The following ADAM12 variants were observed in gnomAD, a reference collection of about 807,000 sequenced individuals.
ADAM12 encodes the protein ADAM metallopeptidase domain 12.
A neutral mutation model predicts 106.4 loss-of-function variants in ADAM12; 70 were observed. The observed-to-expected ratio is 0.66, with a 90% confidence interval of 0.54 to 0.80. The LOEUF (loss-of-function observed/expected upper bound fraction) is 0.80. Among genes scored for constraint, ADAM12 ranks in the 30% least tolerant of loss-of-function variants. ADAM12 has a pLI of 0.00. For synonymous variants in ADAM12, 420 were observed against 433.5 expected (o/e 0.97, Z 0.39); for missense variants, 1,010 against 1,171.9 (o/e 0.86, Z 2.02).
At chr10:126,287,284 C>T (rs1959912197) in intron 2 of ADAM12, among the ~76,000 whole-genome samples, 1 of 152,134 alleles carries the variant, frequency 6.6e-6, no homozygotes, top group African/African-American at 2.4e-5. Context: ...AAGCAGACGA[C>T]ATTACTCTGT....
intron 2 of ADAM12, among the ~76,000 whole-genome samples, chr10:126,282,694 G>C (rs1032480581): frequency 1.3e-5 from 2 of 152,144 alleles, no homozygotes; most frequent in Non-Finnish European, 2.9e-5. Context: ...CACAAACAAT[G>C]TGTAAGTCCT....
At chr10:126,284,174 A>G (rs1590731020) in intron 2 of ADAM12, among the ~76,000 whole-genome samples, 1 of 151,900 alleles carries the variant, frequency 6.6e-6, no homozygotes, top group African/African-American at 2.4e-5. Flanking sequence ...CTCTACTAAA[A>G]ATACAAAAAT....
intron 1 of ADAM12, among the ~76,000 whole-genome samples, chr10:126,350,436 G>T (rs374258172): frequency 2.0e-5 from 3 of 152,296 alleles, no homozygotes; most frequent in African/African-American, 7.2e-5. Flanking sequence ...CTTTGAGAAA[G>T]GGAGGAAGAG....
intron 1 of ADAM12, among the ~76,000 whole-genome samples, chr10:126,373,108 G>A (rs1324520719): frequency 9.9e-5 from 15 of 152,280 alleles, no homozygotes. Context: ...CATTCTGAAG[G>A]TTACAAAAAT....
intron 2 of ADAM12, among the ~76,000 whole-genome samples, chr10:126,309,731 G>C (rs1010082704): frequency 6.6e-6 from 1 of 152,120 alleles, no homozygotes; most frequent in African/African-American, 2.4e-5. Flanking sequence ...GCAGTTTTAG[G>C]GGCTGGACTA....
chr10:126,335,713 A>G (rs573417848), intron 1 of ADAM12, among the ~76,000 whole-genome samples: 2 of 152,214 alleles, frequency 1.3e-5, no homozygotes, highest in East Asian at 3.9e-4. Context: ...AACCAATAGC[A>G]AAAGTTAAGC....
chr10:126,285,390 G>T (rs1959804663), intron 2 of ADAM12, among the ~76,000 whole-genome samples: 1 of 152,228 alleles, frequency 6.6e-6, no homozygotes, highest in African/African-American at 2.4e-5. Flanking sequence ...TAGGCCATAA[G>T]GCACTGACAT....
intron 2 of ADAM12, among the ~76,000 whole-genome samples, chr10:126,326,240 C>T (rs1330543242): frequency 1.3e-5 from 2 of 151,598 alleles, no homozygotes; most frequent in African/African-American, 2.4e-5. Context: ...ATGGACCTGC[C>T]TCAAACCATT....
At chr10:126,232,988 G>T (rs1432134864) in intron 3 of ADAM12, among the ~76,000 whole-genome samples, 2 of 152,048 alleles carry the variant, frequency 1.3e-5, no homozygotes, top group African/African-American at 4.8e-5. Flanking sequence ...GTGGCATCTC[G>T]ATATGTTTCT....
At position 126,016,835 on chromosome 10, in the gene ADAM12, A is replaced by G. The variant is rs7913591; in HGVS notation, c.*444T>C. 97,195 of 153,476 alleles carry G rather than the reference A, an allele frequency of 0.63. 31,553 individuals carry two copies. Among genetic ancestry groups the G allele is most frequent in the East Asian group, 0.77 (4,002 of 5,200 alleles). The allele number at this position is 153,476 out of a possible 1,614,324, so 9.5% of individuals were successfully genotyped here. A position where few individuals can be genotyped will look rare whatever the true frequency, so the allele number is the denominator to read the frequency against. ...TGGGGAATCCAGAAAATCAACTGAG[A>G]TTCTACTTGGGATCTCTTGAGCTGC... is the stretch of plus-strand genomic sequence containing the variant. On this transcript the variant is annotated 3_prime_UTR_variant, in exon 23 of 23. Coordinates refer to ENST00000448723, the MANE Select transcript of ADAM12 (RefSeq NM_001288973.2).
chr10:126,230,607 T>C (rs191932173), intron 3 of ADAM12, among the ~76,000 whole-genome samples: 1 of 152,358 alleles, frequency 6.6e-6, no homozygotes, highest in East Asian at 1.9e-4. Context: ...ATGAAAAATA[T>C]GACCTCATTT....
At chr10:126,160,810 TC>T (rs1956918952) in intron 3 of ADAM12, among the ~76,000 whole-genome samples, 1 of 152,234 alleles carries the variant, frequency 6.6e-6, no homozygotes, top group South Asian at 2.1e-4. Context: ...TGCTCACTTT[TC>T]CCTCTAGCTC....
intron 2 of ADAM12, among the ~76,000 whole-genome samples, chr10:126,309,040 G>C (rs1044576106): frequency 1.3e-5 from 2 of 152,096 alleles, no homozygotes; most frequent in African/African-American, 2.4e-5. Context: ...GGGGAACCAC[G>C]GTTCTCCCAC....
intron 1 of ADAM12, among the ~76,000 whole-genome samples, chr10:126,336,972 G>T (rs185327170): frequency 6.6e-6 from 1 of 152,182 alleles, no homozygotes; most frequent in Non-Finnish European, 1.5e-5. Flanking sequence ...AACAACATCC[G>T]CCACAGAGGG....
At chr10:126,295,944 C>T (rs1210491938) in intron 2 of ADAM12, among the ~76,000 whole-genome samples, 1 of 151,756 alleles carries the variant, frequency 6.6e-6, no homozygotes, top group East Asian at 1.9e-4. Flanking sequence ...CACACACACA[C>T]ATAAACACAC....
intron 5 of ADAM12, among the ~76,000 whole-genome samples, chr10:126,122,746 C>T (rs370570864): frequency 7.9e-5 from 12 of 152,100 alleles, no homozygotes; most frequent in East Asian, 1.9e-4. Flanking sequence ...GGTGACAGAA[C>T]GAGAGTCCCT....
chr10:126,312,103 G>A (rs1190392291), intron 2 of ADAM12, among the ~76,000 whole-genome samples: 1 of 143,138 alleles, frequency 7.0e-6, no homozygotes, highest in Non-Finnish European at 1.5e-5. Context: ...CCCAACTGGT[G>A]TCCAAAGTTG....
intron 3 of ADAM12, among the ~76,000 whole-genome samples, chr10:126,228,222 C>T (rs1015558599): frequency 3.9e-5 from 6 of 152,120 alleles, no homozygotes; most frequent in African/African-American, 9.7e-5. Flanking sequence ...CGTAACTGTA[C>T]CCCCCAATAT....
intron 1 of ADAM12, among the ~76,000 whole-genome samples, chr10:126,361,299 A>G (rs771910184): frequency 3.9e-5 from 6 of 152,226 alleles, no homozygotes; most frequent in Non-Finnish European, 7.3e-5. Flanking sequence ...ACATAAATAA[A>G]TGAAAGATAG....
Sources: gnomAD v4.1 joint callset for allele counts (sites outside exome capture counted in the v4.1 genomes callset) on GRCh38, gnomAD v4.1.1 for gene constraint, MANE v1.5 for transcripts, NCBI Gene and HGNC (gene_info 2026-07-23, HGNC 2026-07-21) for gene names.